CFAP20DC: variants seen among roughly 807,000 people sequenced by gnomAD.
CFAP20DC encodes protein CFAP20DC.
A neutral mutation model predicts 101.7 loss-of-function variants in CFAP20DC; 84 were observed. The observed-to-expected ratio is 0.83, with a 90% CI of 0.69 to 0.99. CFAP20DC has a LOEUF of 0.99. Among genes scored for constraint, CFAP20DC ranks in the 50% least tolerant of loss-of-function variants. The pLI, the probability that CFAP20DC is intolerant of heterozygous loss-of-function variation, is 0.00. For synonymous variants in CFAP20DC, 359 were observed against 351.2 expected (o/e 1.02, Z -0.25); for missense variants, 1,007 against 970.3 (o/e 1.04, Z -0.50).
intron 3 of CFAP20DC, among the ~76,000 whole-genome samples, chr3:58,720,151 C>T (rs949385383): frequency 2.0e-5 from 3 of 152,200 alleles, no homozygotes; most frequent in African/African-American, 7.2e-5. Context: ...GTGCTGTTGT[C>T]CACGTGTTTA....
intron 14 of CFAP20DC, among the ~76,000 whole-genome samples, chr3:58,822,295 TA>T (rs201126935): frequency 0.056 from 6,692 of 120,384 alleles, 444 homozygotes; most frequent in East Asian, 0.37. Flanking sequence ...TAAAGTATAA[TA>T]AAAAAAAATC....
intron 14 of CFAP20DC, among the ~76,000 whole-genome samples, chr3:58,812,556 G>C (rs2074744200): frequency 6.6e-6 from 1 of 151,618 alleles, no homozygotes. Context: ...GGACTGTTGT[G>C]GGGTGGGGGG....
intron 5 of CFAP20DC, among the ~76,000 whole-genome samples, chr3:58,931,110 G>C (rs1374746578): frequency 6.6e-6 from 1 of 152,188 alleles, no homozygotes; most frequent in Non-Finnish European, 1.5e-5. Context: ...CGGCGCACCA[G>C]GAGATTATAT....
At chr3:58,737,202 C>T (rs2067776424), downstream of CFAP20DC, 1 of 456,350 alleles carries the variant, frequency 2.2e-6, no homozygotes. This position sits in a 1 kb window ranked among gnomAD's most constrained non-coding sequence, Gnocchi z 4.1. Flanking sequence ...TTGTTACAGC[C>T]TGGTCAGGAG....
At chr3:58,866,029 T>G (rs1289800903) in intron 11 of CFAP20DC, among the ~76,000 whole-genome samples, 1 of 152,224 alleles carries the variant, frequency 6.6e-6, no homozygotes, top group Non-Finnish European at 1.5e-5. Flanking sequence ...CCTAAACATC[T>G]AATTAGTTTT....
At chr3:58,890,422 G>A (rs2082088973) in intron 6 of CFAP20DC, among the ~76,000 whole-genome samples, 1 of 138,836 alleles carries the variant, frequency 7.2e-6, no homozygotes, top group Non-Finnish European at 1.6e-5. Context: ...CGGGGTGGCT[G>A]GCCGGGCGGG....
rs1343061059 is a variant in CFAP20DC, at chr3:58,799,731, G to C, written c.2237+6664C>G. Among the ~76,000 whole-genome samples, 2 of 128,240 alleles carry C rather than the reference G, an allele frequency of 1.6e-5. No individual in the cohort carries two copies. Among genetic ancestry groups the C allele is most frequent in the African/African-American group, 6.8e-5 (2 of 29,522 alleles). 84.1% of individuals were successfully genotyped at this position (128,240 alleles called of 152,430 possible). A position where few individuals can be genotyped will look rare whatever the true frequency, so the allele number is the denominator to read the frequency against. On this transcript the variant is annotated intron_variant, in intron 15 of 16. Coordinates refer to ENST00000482387, the MANE Select transcript of CFAP20DC (RefSeq NM_001394063.1). This position sits in a 1 kb window ranked among gnomAD's most constrained non-coding sequence, Gnocchi z 4.9. Reference sequence around the variant, plus strand: ...GCAGTGTGTGTGTGTCTGTGTGTGTGTCTGTGTGTGTGTGTGTGTGTGTGT... The same window carrying C: ...GCAGTGTGTGTGTGTCTGTGTGTGTCTCTGTGTGTGTGTGTGTGTGTGTGT...
chr3:58,758,619 T>C (rs1026379413), intron 15 of CFAP20DC, among the ~76,000 whole-genome samples: 3 of 152,180 alleles, frequency 2.0e-5, no homozygotes, highest in African/African-American at 4.8e-5. Flanking sequence ...ACATGTGCCA[T>C]GTTGGTGTGC....
chr3:58,816,586 CT>C (rs1159694288), intron 14 of CFAP20DC, among the ~76,000 whole-genome samples: 1 of 152,048 alleles, frequency 6.6e-6, no homozygotes, highest in African/African-American at 2.4e-5. Context: ...TTCAGACCGG[CT>C]TAAAAAACGG....
Position 58,913,646 on chromosome 3 carries a change from G to T in CFAP20DC, c.550+62C>A. On this transcript the variant is annotated intron_variant, in intron 6 of 16. Transcript: ENST00000482387. The surrounding 1 kb of genome is among the most constrained non-coding windows in gnomAD (Gnocchi z 4.4). Reference sequence around the variant, plus strand: ...ACCACACACTCATACTATCCCAAAGGTATGGCTAATTTTAAAAATACATCA... The same window carrying T: ...ACCACACACTCATACTATCCCAAAGTTATGGCTAATTTTAAAAATACATCA... The T allele has an allele frequency of 1.3e-6, 2 of 1,535,462 alleles. No individual in the cohort carries two copies. The highest frequency in any genetic ancestry group is 9.0e-7 in the Non-Finnish European group (1 of 1,109,882).
Position 58,863,896 on chromosome 3 carries a change from A to G in CFAP20DC, c.1259-4T>C. 1 of 1,598,862 alleles carries G rather than the reference A, an allele frequency of 6.3e-7. No homozygotes were observed. The highest frequency in any genetic ancestry group is 8.5e-7 in the Non-Finnish European group (1 of 1,172,572). On this transcript the variant is annotated splice_region_variant and splice_polypyrimidine_tract_variant and intron_variant, in intron 11 of 16. Coordinates refer to ENST00000482387, the MANE Select transcript of CFAP20DC (RefSeq NM_001394063.1). This position sits in a 1 kb window ranked among gnomAD's most constrained non-coding sequence, Gnocchi z 5.9. Reference sequence around the variant, plus strand: ...TTTTCAGGAAAAATCCACTCATCTGACAGTTGGAAAAGATGACAAAAATTA... The same window carrying G: ...TTTTCAGGAAAAATCCACTCATCTGGCAGTTGGAAAAGATGACAAAAATTA...
chr3:58,931,002 G>A (rs1401213732), intron 5 of CFAP20DC, among the ~76,000 whole-genome samples: 1 of 152,182 alleles, frequency 6.6e-6, no homozygotes, highest in Non-Finnish European at 1.5e-5. Context: ...GGGTCAGGGA[G>A]TTCCCTTTCC....
chr3:58,833,476 G>A (rs1469726158), intron 13 of CFAP20DC, among the ~76,000 whole-genome samples: 2 of 152,120 alleles, frequency 1.3e-5, no homozygotes, highest in Admixed American at 6.6e-5. Context: ...ATACAAAGAT[G>A]TTCAACATCC....
At chr3:59,029,494 C>G (rs2093950517) in intron 4 of CFAP20DC, among the ~76,000 whole-genome samples, 1 of 152,006 alleles carries the variant, frequency 6.6e-6, no homozygotes, top group Non-Finnish European at 1.5e-5. Flanking sequence ...GGGACAGAAA[C>G]CACTGTGCAC....
chr3:58,884,650 G>A lies in CFAP20DC; in HGVS notation c.610C>T (p.Gln204Ter). ...ACATGTGGAACATCTGTCATTAGTTGACAGCTTCGTGGTATAATATCTGTA... is the reference window on the plus strand; with the variant it reads ...ACATGTGGAACATCTGTCATTAGTTAACAGCTTCGTGGTATAATATCTGTA... The part of the protein sequence containing the change: ...EPTDIIPRSC[Q>*]LMTDVPHVTQ... The change falls in exon 7 of 17, where the codon CAA becomes TAA. Residue 204 changes from glutamine to a stop codon, truncating the protein, a stop_gained. Transcript: ENST00000482387. LOFTEE classifies it high-confidence loss of function. 1 of 1,613,716 alleles carries A rather than the reference G, an allele frequency of 6.2e-7. No individual in the cohort carries two copies. Among genetic ancestry groups the A allele is most frequent in the South Asian group, 1.1e-5 (1 of 91,032 alleles).
At chr3:58,999,878 G>C (rs1279352263) in intron 4 of CFAP20DC, among the ~76,000 whole-genome samples, 1 of 143,206 alleles carries the variant, frequency 7.0e-6, no homozygotes, top group Non-Finnish European at 1.5e-5. Context: ...GAACCTGACA[G>C]AGCACGGGAA....
chr3:58,854,483 T>C (rs1355283942), intron 12 of CFAP20DC, among the ~76,000 whole-genome samples: 1 of 151,986 alleles, frequency 6.6e-6, no homozygotes, highest in Non-Finnish European at 1.5e-5. Flanking sequence ...TGGAAAAAAC[T>C]ACTTTAAAGT....
rs976801265 is a variant in CFAP20DC at position 58,876,461 on chromosome 3, A to G, written c.716-6152T>C. 3.9e-5 allele frequency among the ~76,000 whole-genome samples: 6 copies of G among 152,248 alleles called. No individual in the cohort carries two copies. The East Asian group carries it at 7.7e-4, about 20-fold the overall frequency. On this transcript the variant is annotated intron_variant, in intron 7 of 16. Transcript: ENST00000482387. ...AAAAGGAGCTCTTTTAAGAGCTGAT[A>G]TCAATATGCATAATATAAGGTTAAA...
rs1330075485 is a variant in CFAP20DC at position 59,048,976 on chromosome 3, G to A, written c.21+635C>T. 2.0e-5 allele frequency among the ~76,000 whole-genome samples: 3 copies of A among 152,118 alleles called. No individual in the cohort carries two copies. In the East Asian group the frequency reaches 5.8e-4, roughly 29 times the overall value. On this transcript the variant is annotated intron_variant, in intron 1 of 16. Transcript: ENST00000482387. ...GTGTGATCCTTGGACCCCCTGCATA[G>A]GAATCACTTGGGGGAACTAGTTAAA...
Sources: allele counts gnomAD v4.1 joint callset (sites outside exome capture counted in the v4.1 genomes callset), GRCh38; gene constraint gnomAD v4.1.1; non-coding constraint Gnocchi (gnomAD v3.1); transcripts MANE v1.5; gene names NCBI Gene and HGNC (gene_info 2026-07-23, HGNC 2026-07-21).